The following WWOX variants were observed in gnomAD, a reference collection of about 807,000 sequenced individuals.
WWOX encodes WW domain-containing oxidoreductase.
In WWOX, 69 loss-of-function variants were observed where a neutral mutation model predicts 46.2. The ratio of observed to expected loss-of-function variants is 1.49; its 90% confidence interval spans 1.23 to 1.82. The LOEUF (loss-of-function observed/expected upper bound fraction) is 1.82, where lower values mean the gene tolerates loss of function less well. WWOX is among the 40% of genes most tolerant of loss of function. The pLI is 0.00. For synonymous variants in WWOX, 359 were observed against 202.6 expected (o/e 1.77, Z -6.56); for missense variants, 919 against 542.6 (o/e 1.69, Z -6.89).
At chr16:78,687,028 C>T (rs963299532) in intron 8 of WWOX, among the ~76,000 whole-genome samples, 2 of 152,082 alleles carry the variant, frequency 1.3e-5, no homozygotes, top group African/African-American at 4.8e-5. Context: ...ACATCATGGC[C>T]AACAAGAGAG....
chr16:78,392,752 A>G (rs1209120894), intron 6 of WWOX, among the ~76,000 whole-genome samples: 1 of 152,218 alleles, frequency 6.6e-6, no homozygotes, highest in East Asian at 1.9e-4. Context: ...CTTCAGAGGC[A>G]GTGGTGTAAT....
At chr16:79,084,846 C>G (rs1047948586) in intron 8 of WWOX, among the ~76,000 whole-genome samples, 1 of 152,174 alleles carries the variant, frequency 6.6e-6, no homozygotes, top group Non-Finnish European at 1.5e-5. Context: ...TTTACTGATT[C>G]AACCTTTCAT....
At chr16:78,474,109 A>C (rs893752756) in intron 8 of WWOX, among the ~76,000 whole-genome samples, 7 of 152,232 alleles carry the variant, frequency 4.6e-5, no homozygotes, top group Admixed American at 2.6e-4. Flanking sequence ...CTTGCCTGTT[A>C]AGCACGCTGT....
chr16:79,059,448 A>G (rs1053591606), intron 8 of WWOX, among the ~76,000 whole-genome samples: 2 of 152,238 alleles, frequency 1.3e-5, no homozygotes, highest in African/African-American at 4.8e-5. Context: ...GAAACTCAAC[A>G]GTGTTTGAGA....
intron 7 of WWOX, among the ~76,000 whole-genome samples, chr16:78,430,677 T>C (rs1023928114): frequency 6.6e-6 from 1 of 152,150 alleles, no homozygotes; most frequent in African/African-American, 2.4e-5. Flanking sequence ...GTGGTTTGGG[T>C]ACTAGAAAAA....
At chr16:79,075,860 A>G (rs764366775) in intron 8 of WWOX, among the ~76,000 whole-genome samples, 3 of 152,202 alleles carry the variant, frequency 2.0e-5, no homozygotes, top group Non-Finnish European at 4.4e-5. Flanking sequence ...AAAAAAACAT[A>G]TTAAGTTATT....
intron 8 of WWOX, among the ~76,000 whole-genome samples, chr16:78,478,631 A>G (rs936494214): frequency 3.3e-5 from 5 of 152,102 alleles, no homozygotes; most frequent in African/African-American, 1.2e-4. Context: ...TAATTATTCC[A>G]GGCCACAAGG....
rs78484570 is a variant in WWOX, at chr16:78,938,098, C to A, written c.1057-273510C>A. On this transcript the variant is annotated intron_variant, in intron 8 of 8. Coordinates refer to ENST00000566780, the MANE Select transcript of WWOX (RefSeq NM_016373.4). Reference sequence around the variant, plus strand: ...AGCAGGGCTAAGATCACCACTCAGACCCTGTGATTTTATTTTTCATCTCCT... The same window carrying A: ...AGCAGGGCTAAGATCACCACTCAGAACCTGTGATTTTATTTTTCATCTCCT... Among the ~76,000 whole-genome samples, 3 of 152,272 alleles carry A rather than the reference C, an allele frequency of 2.0e-5. No homozygotes were observed. In the East Asian group the frequency reaches 5.8e-4, roughly 29 times the overall value.
chr16:78,515,233 A>G (rs2085461234), intron 8 of WWOX, among the ~76,000 whole-genome samples: 1 of 152,212 alleles, frequency 6.6e-6, no homozygotes, highest in Non-Finnish European at 1.5e-5. Context: ...CAGAAACAGA[A>G]AATAAAACAA....
intron 8 of WWOX, among the ~76,000 whole-genome samples, chr16:79,113,401 T>C (rs1453068378): frequency 1.3e-5 from 2 of 152,208 alleles, no homozygotes; most frequent in Admixed American, 6.5e-5. Flanking sequence ...TCCTCATCTG[T>C]CGTTGGTTGA....
At chr16:78,354,077 C>G (rs946258451) in intron 5 of WWOX, among the ~76,000 whole-genome samples, 1 of 152,164 alleles carries the variant, frequency 6.6e-6, no homozygotes, top group South Asian at 2.1e-4. Flanking sequence ...CTTTTAATTC[C>G]TGGATGTTTT....
At position 79,056,215 on chromosome 16, in the gene WWOX, CAAAAA is replaced by C. The variant is rs199968406; in HGVS notation, c.1057-155378_1057-155374del. ...GCTAAGTAATAGGCTGTCACTAGAC[CAAAAA>C]AAAAAAAAAAAAAATTCAGCATTTC... On this transcript the variant is annotated intron_variant, in intron 8 of 8. Transcript: ENST00000566780. Among the ~76,000 whole-genome samples, 1,222 of 139,100 alleles carry C rather than the reference CAAAAA, an allele frequency of 8.8e-3. 17 individuals are homozygous for C. Among genetic ancestry groups the C allele is most frequent in the Admixed American group, 0.035 (497 of 14,026 alleles). 91.3% of individuals were successfully genotyped at this position (139,100 alleles called of 152,430 possible).
At chr16:78,528,542 G>T (rs1046388528) in intron 8 of WWOX, among the ~76,000 whole-genome samples, 1 of 152,102 alleles carries the variant, frequency 6.6e-6, no homozygotes, top group Non-Finnish European at 1.5e-5. Context: ...CAAAGTAGTG[G>T]TAAGTGGAGG....
At chr16:78,916,989 C>G (rs1444841736) in intron 8 of WWOX, among the ~76,000 whole-genome samples, 1 of 152,126 alleles carries the variant, frequency 6.6e-6, no homozygotes, top group Non-Finnish European at 1.5e-5. Context: ...TTTTATTTTT[C>G]TCAGCATTGG....
At chr16:78,867,334 A>T (rs747017105) in intron 8 of WWOX, among the ~76,000 whole-genome samples, 5 of 152,154 alleles carry the variant, frequency 3.3e-5, no homozygotes, top group African/African-American at 7.2e-5. Context: ...GTACATATTT[A>T]TCAATATACT....
chr16:78,416,326 A>G (rs1380425761), intron 6 of WWOX, among the ~76,000 whole-genome samples: 1 of 152,206 alleles, frequency 6.6e-6, no homozygotes, highest in Non-Finnish European at 1.5e-5. Flanking sequence ...GTGAGGCAAA[A>G]GTAATTCTTT....
chr16:78,952,361 ATTTTTG>A (rs2046077932), intron 8 of WWOX, among the ~76,000 whole-genome samples: 1 of 145,634 alleles, frequency 6.9e-6, no homozygotes, highest in African/African-American at 2.5e-5. Context: ...GCAGTTTTAC[ATTTTTG>A]TTTTTTTGTT....
intron 8 of WWOX, among the ~76,000 whole-genome samples, chr16:78,667,642 G>C (rs1301188758): frequency 7.7e-6 from 1 of 130,512 alleles, no homozygotes; most frequent in Non-Finnish European, 1.5e-5. Flanking sequence ...CTGCATCCCA[G>C]CCTGGGCGAC....
At chr16:78,793,422 C>T (rs1202608372) in intron 8 of WWOX, among the ~76,000 whole-genome samples, 5 of 152,154 alleles carry the variant, frequency 3.3e-5, no homozygotes, top group Admixed American at 1.3e-4. Context: ...GGCTGCTCTC[C>T]ACTCAAGAAT....
Sources: gnomAD v4.1 joint callset for allele counts (sites outside exome capture counted in the v4.1 genomes callset) on GRCh38, gnomAD v4.1.1 for gene constraint, MANE v1.5 for transcripts, NCBI Gene and HGNC (gene_info 2026-07-23, HGNC 2026-07-21) for gene names.